The following SAMMSON variants were observed in gnomAD, a reference collection of about 807,000 sequenced individuals.
The protein encoded by SAMMSON is long intergenic non-protein coding RNA 1212.
chr3:70,140,921 G>C (rs1033680829), intron 4 of SAMMSON, among the ~76,000 whole-genome samples: 1 of 152,144 alleles, frequency 6.6e-6, no homozygotes, highest in South Asian at 2.1e-4. Flanking sequence ...AATTCTGTAA[G>C]AAGATTGAGG....
chr3:70,379,815 T>A (rs1703050908), intron 9 of SAMMSON, among the ~76,000 whole-genome samples: 1 of 152,158 alleles, frequency 6.6e-6, no homozygotes, highest in Admixed American at 6.5e-5. Context: ...GTGTTATGCA[T>A]GCTACCTTTG....
intron 7 of SAMMSON, chr3:70,312,691 T>G (rs1218315803): frequency 6.6e-6 from 1 of 152,018 alleles, no homozygotes; most frequent in Non-Finnish European, 1.5e-5. Flanking sequence ...GGGGTGGTGC[T>G]AGATTTGTAT....
At chr3:70,278,515 T>C (rs576468957) in intron 6 of SAMMSON, among the ~76,000 whole-genome samples, 1 of 152,332 alleles carries the variant, frequency 6.6e-6, no homozygotes, top group South Asian at 2.1e-4. Flanking sequence ...TATACATCCG[T>C]CAAGACTGTA....
chr3:70,159,235 T>C (rs1365422246), intron 4 of SAMMSON, among the ~76,000 whole-genome samples: 1 of 152,092 alleles, frequency 6.6e-6, no homozygotes, highest in African/African-American at 2.4e-5. Context: ...GCAGGTTTGT[T>C]ACATATGTAT....
chr3:70,092,904 T>G (rs543934461), intron 4 of SAMMSON, among the ~76,000 whole-genome samples: 354 of 150,036 alleles, frequency 2.4e-3, no homozygotes, highest in Non-Finnish European at 4.3e-3. Context: ...GTGTTTTTGT[T>G]TTTTTTTTTT....
At chr3:70,029,054 A>C (rs1489604168) in intron 3 of SAMMSON, among the ~76,000 whole-genome samples, 1 of 152,166 alleles carries the variant, frequency 6.6e-6, no homozygotes, top group Admixed American at 6.5e-5. Context: ...CTAAACCATT[A>C]TACCATATTG....
intron 2 of SAMMSON, among the ~76,000 whole-genome samples, chr3:70,427,470 T>G (rs1466376122): frequency 6.6e-6 from 1 of 152,166 alleles, no homozygotes; most frequent in Non-Finnish European, 1.5e-5. Flanking sequence ...CCGGGCGCGG[T>G]GGCTCACGCC....
At chr3:70,250,409 T>TCA (rs1491108341) in intron 6 of SAMMSON, among the ~76,000 whole-genome samples, 2,749 of 126,280 alleles carry the variant, frequency 0.022, 75 homozygotes, top group African/African-American at 0.074. Context: ...TTTTAATGAA[T>TCA]CTCACACACA....
chr3:70,431,913 A>C (rs1159406765), intron 2 of SAMMSON, among the ~76,000 whole-genome samples: 1 of 152,062 alleles, frequency 6.6e-6, no homozygotes, highest in African/African-American at 2.4e-5. Flanking sequence ...CAGTTCATTC[A>C]ACTTTTATTG....
intron 4 of SAMMSON, chr3:70,126,530 GT>G: frequency 1.7e-6 from 1 of 585,230 alleles, no homozygotes. Flanking sequence ...CACCAGAAGA[GT>G]TCGGTCGGCC....
intron 6 of SAMMSON, among the ~76,000 whole-genome samples, chr3:70,282,511 C>T (rs546209615): frequency 2.0e-5 from 3 of 152,308 alleles, no homozygotes; most frequent in South Asian, 4.1e-4. Flanking sequence ...GGTTTTAGCT[C>T]TTATCACTCA....
intron 3 of SAMMSON, among the ~76,000 whole-genome samples, chr3:70,054,620 A>G (rs534610498): frequency 6.6e-6 from 1 of 152,154 alleles, no homozygotes; most frequent in Non-Finnish European, 1.5e-5. Context: ...TTAACCCCCA[A>G]AGTTAAAGGA....
chr3:70,204,586 A>G (rs576907234), intron 4 of SAMMSON: 1 of 152,234 alleles, frequency 6.6e-6, no homozygotes, highest in South Asian at 2.1e-4. Flanking sequence ...ATTTCTTGGA[A>G]ATGACCTAAT....
intron 4 of SAMMSON, among the ~76,000 whole-genome samples, chr3:70,188,796 C>T (rs1701110034): frequency 6.6e-6 from 1 of 152,202 alleles, no homozygotes; most frequent in African/African-American, 2.4e-5. Flanking sequence ...CAACCTGAGG[C>T]TCAGAGAGGT....
At chr3:70,171,797 G>A (rs539338382) in intron 4 of SAMMSON, among the ~76,000 whole-genome samples, 2 of 151,940 alleles carry the variant, frequency 1.3e-5, no homozygotes, top group Admixed American at 1.3e-4. Flanking sequence ...ATCAAAACAA[G>A]AATCACTGGA....
intron 4 of SAMMSON, among the ~76,000 whole-genome samples, chr3:70,116,290 TTC>T (rs1221184821): frequency 1.5e-5 from 2 of 129,240 alleles, no homozygotes; most frequent in African/African-American, 6.1e-5. Context: ...GGGCGATGCT[TTC>T]TTTTTTTTTT....
At chr3:70,280,384 A>C (rs1702068609) in intron 6 of SAMMSON, among the ~76,000 whole-genome samples, 2 of 152,140 alleles carry the variant, frequency 1.3e-5, no homozygotes, top group South Asian at 4.1e-4. Context: ...AGGACCTGAC[A>C]TTCTGGGTGG....
chr3:70,220,607 T>C (rs1701453366), intron 4 of SAMMSON, among the ~76,000 whole-genome samples: 1 of 152,074 alleles, frequency 6.6e-6, no homozygotes, highest in Non-Finnish European at 1.5e-5. Context: ...ACCCAGGAAG[T>C]ATGTTAGTGT....
chr3:70,129,129 T>A (rs1410173719), intron 4 of SAMMSON, among the ~76,000 whole-genome samples: 1 of 152,180 alleles, frequency 6.6e-6, no homozygotes, highest in Non-Finnish European at 1.5e-5. Context: ...ATCTGGCCTG[T>A]GTCTCTATCT....
Sources: allele counts gnomAD v4.1 joint callset (sites outside exome capture counted in the v4.1 genomes callset), GRCh38; gene constraint gnomAD v4.1.1; transcripts MANE v1.5; gene names NCBI Gene and HGNC (gene_info 2026-07-23, HGNC 2026-07-21).